The following AGMO variants were observed in gnomAD, a reference collection of about 807,000 sequenced individuals.
The protein encoded by AGMO is alkylglycerol monooxygenase, also known as glyceryl-ether monooxygenase.
In AGMO, 75 loss-of-function variants were observed where a neutral mutation model predicts 60.2. The observed-to-expected ratio is 1.25, with a 90% confidence interval of 1.03 to 1.51. The LOEUF is 1.51. Among genes scored for constraint, AGMO ranks in the 40% most tolerant of loss-of-function variants. The pLI, the probability that AGMO is intolerant of heterozygous loss-of-function variation, is 0.00. For synonymous variants in AGMO, 261 were observed against 177.1 expected, an observed-to-expected ratio of 1.47 and a Z score of -3.76; for missense variants, 763 against 525.5, an observed-to-expected ratio of 1.45 and a Z score of -4.42.
intron 12 of AGMO, among the ~76,000 whole-genome samples, chr7:15,307,194 G>A (rs1380618542): frequency 6.6e-6 from 1 of 151,886 alleles, no homozygotes; most frequent in East Asian, 1.9e-4. Flanking sequence ...TGAGAGGTGA[G>A]GACATAATTT....
chr7:15,278,627 G>C (rs1783869593), intron 12 of AGMO, among the ~76,000 whole-genome samples: 3 of 152,184 alleles, frequency 2.0e-5, no homozygotes, highest in African/African-American at 4.8e-5. Flanking sequence ...GAGCAATGGA[G>C]ACTGGCAGCT....
At chr7:15,145,557 T>C in the AGMO span, among the ~76,000 whole-genome samples, 2 of 152,150 alleles carry the variant, frequency 1.3e-5, no homozygotes, top group Non-Finnish European at 2.9e-5. Context: ...GATGGCAGTA[T>C]TATCGGTAAT....
At chr7:15,206,403 C>A (rs1023280318) in intron 12 of AGMO, among the ~76,000 whole-genome samples, 2 of 151,996 alleles carry the variant, frequency 1.3e-5, no homozygotes, top group Admixed American at 6.6e-5. Flanking sequence ...AAATAAATTA[C>A]AAATACTGCA....
chr7:15,439,338 A>G (rs534444445), intron 3 of AGMO, among the ~76,000 whole-genome samples: 1 of 152,326 alleles, frequency 6.6e-6, no homozygotes, highest in Admixed American at 6.5e-5. Context: ...CAAAAATTGC[A>G]GTGAGCTGAG....
intron 3 of AGMO, among the ~76,000 whole-genome samples, chr7:15,472,736 C>G (rs948269894): frequency 7.2e-5 from 11 of 151,950 alleles, no homozygotes; most frequent in African/African-American, 1.9e-4. Context: ...TAATATTAGC[C>G]TATACACTGG....
At chr7:15,189,410 G>A in the AGMO span, among the ~76,000 whole-genome samples, 1 of 152,022 alleles carries the variant, frequency 6.6e-6, no homozygotes, top group Non-Finnish European at 1.5e-5. Flanking sequence ...TAAAGAGCTG[G>A]AAAGAAACTC....
rs1420246986 is a variant in AGMO, at chr7:15,552,879, T to A, written c.257+7262A>T. 6.0e-5 allele frequency among the ~76,000 whole-genome samples: 9 copies of A among 149,988 alleles called. No individual in the cohort carries two copies. In the East Asian group the frequency reaches 1.8e-3, roughly 29 times the overall value. On this transcript the variant is annotated intron_variant, in intron 2 of 12. Transcript: ENST00000342526. Reference sequence around the variant, plus strand: ...ATAAAGACACATGCACACGTATGTTTATTGCGGCATTATTCACGATAGCAA... The same window carrying A: ...ATAAAGACACATGCACACGTATGTTAATTGCGGCATTATTCACGATAGCAA...
At chr7:15,400,175 TTG>T in intron 5 of AGMO, among the ~76,000 whole-genome samples, 1 of 152,334 alleles carries the variant, frequency 6.6e-6, no homozygotes, top group South Asian at 2.1e-4. Context: ...CACATCGTGA[TTG>T]TTTGACAATA....
rs189086751 is a variant in AGMO at position 15,349,857 on chromosome 7, G to A, written c.1263+15657C>T. Among the ~76,000 whole-genome samples the A allele has an allele frequency of 2.0e-5, 3 of 152,162 alleles. No individual in the cohort carries two copies. The East Asian group carries it at 5.8e-4, about 29-fold the overall frequency. ...ACTCACTATCATGAGAACAAGATGG[G>A]AGTAACCTCCCCCAGTGATTGAATT... On this transcript the variant is annotated intron_variant, in intron 12 of 12. Coordinates refer to ENST00000342526, the MANE Select transcript of AGMO (RefSeq NM_001004320.2).
intron 12 of AGMO, among the ~76,000 whole-genome samples, chr7:15,218,362 T>TGTGTGC (rs57729244): frequency 6.6e-6 from 1 of 151,080 alleles, no homozygotes; most frequent in Non-Finnish European, 1.5e-5. Context: ...TGTGTGTGTG[T>TGTGTGC]ATTTTGTGAA....
At chr7:15,293,741 C>T (rs1008838415) in intron 12 of AGMO, among the ~76,000 whole-genome samples, 1 of 152,144 alleles carries the variant, frequency 6.6e-6, no homozygotes, top group Non-Finnish European at 1.5e-5. Context: ...AAGCAGTACT[C>T]GGCCTTTTTG....
At chr7:15,352,657 T>A (rs1782291511) in intron 12 of AGMO, among the ~76,000 whole-genome samples, 1 of 151,878 alleles carries the variant, frequency 6.6e-6, no homozygotes, top group African/African-American at 2.4e-5. Flanking sequence ...GAAACCAGCT[T>A]ACAGGCAACA....
Position 15,259,064 on chromosome 7 carries a change from T to C in AGMO, c.1264-57705A>G, listed in dbSNP as rs367937482. ...AATGAATCCAAATTAAGAAGAAACC[T>C]CTGAATTGCCAGAAAAAGAATTCAG... On this transcript the variant is annotated intron_variant, in intron 12 of 12. Coordinates refer to ENST00000342526, the MANE Select transcript of AGMO (RefSeq NM_001004320.2). 2.2e-4 allele frequency among the ~76,000 whole-genome samples: 33 copies of C among 151,938 alleles called. 1 individual carries two copies. In the East Asian group the frequency reaches 5.1e-3, roughly 23 times the overall value.
intron 12 of AGMO, among the ~76,000 whole-genome samples, chr7:15,211,890 A>G (rs1781601932): frequency 6.6e-6 from 1 of 152,080 alleles, no homozygotes; most frequent in South Asian, 2.1e-4. Flanking sequence ...CATAAAAAGA[A>G]TAACATTCAA....
the AGMO span, among the ~76,000 whole-genome samples, chr7:15,148,350 T>G: frequency 1.3e-5 from 2 of 152,282 alleles, no homozygotes; most frequent in African/African-American, 4.8e-5. Flanking sequence ...TTATTTTAGG[T>G]TCAATGAGTT....
intron 5 of AGMO, among the ~76,000 whole-genome samples, chr7:15,396,925 T>TC (rs1784413144): frequency 1.3e-5 from 2 of 152,142 alleles, no homozygotes; most frequent in South Asian, 4.1e-4. Flanking sequence ...GTTCTCCAAG[T>TC]CCCCTCACCT....
chr7:15,167,089 C>A, the AGMO span, among the ~76,000 whole-genome samples: 1 of 152,010 alleles, frequency 6.6e-6, no homozygotes, highest in African/African-American at 2.4e-5. Flanking sequence ...TAAAAAAAAT[C>A]TTAGATTCTA....
chr7:15,257,970 C>T (rs1032623291), intron 12 of AGMO, among the ~76,000 whole-genome samples: 3 of 152,096 alleles, frequency 2.0e-5, no homozygotes, highest in African/African-American at 7.2e-5. Context: ...TAACCAAAAC[C>T]GCATTTTCAA....
the AGMO span, among the ~76,000 whole-genome samples, chr7:15,122,347 T>C: frequency 6.6e-6 from 1 of 152,138 alleles, no homozygotes; most frequent in Non-Finnish European, 1.5e-5. Context: ...TCATTGTTCC[T>C]GTGTACTTCT....
Sources: allele counts gnomAD v4.1 joint callset (sites outside exome capture counted in the v4.1 genomes callset), GRCh38; gene constraint gnomAD v4.1.1; transcripts MANE v1.5; gene names NCBI Gene and HGNC (gene_info 2026-07-23, HGNC 2026-07-21).